SLC49A3: variants seen among roughly 807,000 people sequenced by gnomAD.
The protein encoded by SLC49A3 is solute carrier family 49 member A3.
Under a neutral mutation model 43.8 loss-of-function variants are expected in SLC49A3, and 50 were observed. That is an observed-to-expected ratio of 1.14 (90% confidence interval 0.91 to 1.45). The LOEUF (loss-of-function observed/expected upper bound fraction) is 1.45, where lower values mean the gene tolerates loss of function less well. Among genes scored for constraint, SLC49A3 ranks in the 40% most tolerant of loss-of-function variants. SLC49A3 has a pLI of 0.00. For missense variants in SLC49A3, 906 were observed against 774.1 expected (o/e 1.17, Z -2.02); for synonymous variants, 413 against 352.0 (o/e 1.17, Z -1.94).
chr4:685,730 TCA>T lies in SLC49A3; in HGVS notation c.585+103_585+104del. On this transcript the variant is annotated intron_variant, in intron 4 of 9. Transcript: ENST00000322224. This position sits in a 1 kb window ranked among gnomAD's most constrained non-coding sequence, Gnocchi z 4.3. ...CGGGTGGCGGGGCGGGGGACGGGAATCACACACGGGCACAGGAACACGGACAC... is the reference window on the plus strand; with the variant it reads ...CGGGTGGCGGGGCGGGGGACGGGAATCACACGGGCACAGGAACACGGACAC... 8.0e-7 allele frequency: 1 copy of T among 1,257,178 alleles called. No individual in the cohort carries two copies. Among genetic ancestry groups the T allele is most frequent in the South Asian group, 1.3e-5 (1 of 78,132 alleles). The allele number at this position is 1,257,178 out of a possible 1,614,324, so 77.9% of individuals were successfully genotyped here.
downstream of SLC49A3, chr4:681,804 G>T (rs1221473195): frequency 1.6e-6 from 2 of 1,246,638 alleles, no homozygotes; most frequent in Non-Finnish European, 2.0e-6. Flanking sequence ...CCCTCCCGCG[G>T]CGCAGAAACC....
chr4:685,757 C>T lies in SLC49A3; in HGVS notation c.585+78G>A. 1.4e-6 allele frequency: 2 copies of T among 1,475,950 alleles called. No individual in the cohort carries two copies. Among genetic ancestry groups the T allele is most frequent in the South Asian group, 2.3e-5 (2 of 86,878 alleles). The allele number at this position is 1,475,950 out of a possible 1,614,324, so 91.4% of individuals were successfully genotyped here. The stretch of plus-strand genomic sequence containing the variant: ...ACACACGGGCACAGGAACACGGACA[C>T]ACTTGGGATCAGGAACACACAGACG... On this transcript the variant is annotated intron_variant, in intron 4 of 9. Coordinates refer to ENST00000322224, the MANE Select transcript of SLC49A3 (RefSeq NM_032219.4). The surrounding 1 kb of genome is among the most constrained non-coding windows in gnomAD (Gnocchi z 4.3).
chr4:688,798 G>T, intron 1 of SLC49A3, 195 bp downstream of exon 1: 1 of 860,272 alleles, frequency 1.2e-6, no homozygotes, highest in Non-Finnish European at 1.6e-6. Flanking sequence ...ACCCAGCCCT[G>T]CTCTGTGCCC....
chr4:679,018 A>G (rs911374971), downstream of SLC49A3: 8 of 1,613,708 alleles, frequency 5.0e-6, no homozygotes, highest in Non-Finnish European at 6.8e-6. Context: ...CCTGAAGGAC[A>G]CCTATGCCTC....
In SLC49A3 at chr4:685,246, C is replaced by T. The variant is rs1446401356; in HGVS notation, c.586-390G>A. 1.8e-5 allele frequency: 6 copies of T among 327,004 alleles called. No homozygotes were observed. Among genetic ancestry groups the T allele is most frequent in the African/African-American group, 8.7e-5 (4 of 46,178 alleles). The allele number at this position is 327,004 out of a possible 1,614,324, so 20.3% of individuals were successfully genotyped here. A position where few individuals can be genotyped will look rare whatever the true frequency, so the allele number is the denominator to read the frequency against. On this transcript the variant is annotated intron_variant, in intron 4 of 9. Coordinates refer to ENST00000322224, the MANE Select transcript of SLC49A3 (RefSeq NM_032219.4). The surrounding 1 kb of genome is among the most constrained non-coding windows in gnomAD (Gnocchi z 4.3). ...TACCCCCAAGCACAAACACACCACC[C>T]GCACCTGATACACATGCACGAGCAC... is the stretch of plus-strand genomic sequence containing the variant.
downstream of SLC49A3, chr4:680,842 A>G (rs891738494): frequency 1.7e-5 from 11 of 631,728 alleles, no homozygotes; most frequent in Non-Finnish European, 2.5e-5. Flanking sequence ...AGCTCCTGCT[A>G]GGCGCCGGGG....
downstream of SLC49A3, chr4:676,986 G>A (rs2109320227): frequency 1.1e-6 from 1 of 949,306 alleles, no homozygotes; most frequent in East Asian, 1.2e-4. Context: ...TAGGACCTCT[G>A]CTCAAGAGAC....
At chr4:684,413 C>T (rs780602287) in intron 6 of SLC49A3, 70 bp downstream of exon 6, 17 of 1,581,142 alleles carry the variant, frequency 1.1e-5, no homozygotes, top group African/African-American at 2.7e-5. Context: ...ACCCTGGAGG[C>T]GGCGGTGACT....
At chr4:680,506 C>A, downstream of SLC49A3, 1 of 1,613,372 alleles carries the variant, frequency 6.2e-7, no homozygotes, top group Non-Finnish European at 8.5e-7. Context: ...GCCTTTGTGG[C>A]AGGTACCGAC....
intron 4 of SLC49A3, 144 bp from the exon 5 acceptor site, chr4:685,000 TGC>T: frequency 8.6e-7 from 1 of 1,163,068 alleles, no homozygotes; most frequent in Non-Finnish European, 1.2e-6. Flanking sequence ...AGCTGCCCTT[TGC>T]GAGGCCCAGG....
At chr4:682,524 AG>A in intron 9 of SLC49A3, 148 bp from the exon 10 acceptor site, 2 of 926,422 alleles carry the variant, frequency 2.2e-6, no homozygotes, top group East Asian at 6.4e-5. Context: ...GACAGCCCTG[AG>A]GGGGTGTTTG....
In SLC49A3 at chr4:682,195, G is replaced by A; in HGVS notation, c.1443C>T (p.Val481=). The change falls in exon 10 of 10, where the codon GTC becomes GTT. Residue 481 remains valine, a synonymous_variant. Coordinates refer to ENST00000322224, the MANE Select transcript of SLC49A3 (RefSeq NM_032219.4). ...CCGGAGTCGCCGTGCTGGGCCCCAG[G>A]ACCCCAGCCCTTCCTGCTCCCCCTC... is the stretch of plus-strand genomic sequence containing the variant. ...VDRGGAGRAG[V]LGPSTATPEC... 7.3e-7 allele frequency: 1 copy of A among 1,366,262 alleles called. No homozygotes were observed. 84.6% of individuals were successfully genotyped at this position (1,366,262 alleles called of 1,614,324 possible).
chr4:685,699 CCTT>C lies in SLC49A3; in HGVS notation c.585+133_585+135del, dbSNP rs964734135. 4.5e-6 allele frequency: 4 copies of C among 886,328 alleles called. No homozygotes were observed. The highest frequency in any genetic ancestry group is 5.3e-5 in the East Asian group (2 of 37,454). The allele number at this position is 886,328 out of a possible 1,614,324, so 54.9% of individuals were successfully genotyped here. The stretch of plus-strand genomic sequence containing the variant: ...TCAGCCTGAGCGACAGGCTGAGACT[CCTT>C]CTCGGGTGGCGGGGCGGGGGACGGG... On this transcript the variant is annotated intron_variant, in intron 4 of 9. Transcript: ENST00000322224. The surrounding 1 kb of genome is among the most constrained non-coding windows in gnomAD (Gnocchi z 4.3).
upstream of SLC49A3, among the ~76,000 whole-genome samples, chr4:691,402 T>C (rs999153370): frequency 3.3e-5 from 5 of 151,726 alleles, no homozygotes; most frequent in Non-Finnish European, 7.4e-5. Context: ...AAGACCAGCC[T>C]GGCCAATATG....
At chr4:680,598 G>A (rs572105459), downstream of SLC49A3, 12 of 1,601,672 alleles carry the variant, frequency 7.5e-6, no homozygotes, top group South Asian at 5.5e-5. Context: ...GTGAGTGCCC[G>A]GGCGGCCAGG....
chr4:690,427 TCTC>T (rs1284489025), upstream of SLC49A3, among the ~76,000 whole-genome samples: 1 of 151,888 alleles, frequency 6.6e-6, no homozygotes, highest in East Asian at 1.9e-4. Context: ...TTCCTTCTGT[TCTC>T]CTTCTCCTCA....
chr4:690,491 A>G (rs540001157), upstream of SLC49A3, among the ~76,000 whole-genome samples: 83 of 151,516 alleles, frequency 5.5e-4, no homozygotes, highest in African/African-American at 2.0e-3. Flanking sequence ...ACCTTCCTCC[A>G]TAGTCCAGTG....
At chr4:681,157 C>G (rs1739449146), downstream of SLC49A3, 41 of 1,599,046 alleles carry the variant, frequency 2.6e-5, no homozygotes, top group Non-Finnish European at 3.3e-5. Context: ...CCCGCGGCTT[C>G]CCTGCCAAGC....
At chr4:677,929 C>T, downstream of SLC49A3, 2 of 1,602,562 alleles carry the variant, frequency 1.2e-6, no homozygotes, top group South Asian at 1.1e-5. Context: ...TAGGGAGTGG[C>T]AGCCGGAGTC....
Sources: allele counts gnomAD v4.1 joint callset (sites outside exome capture counted in the v4.1 genomes callset), GRCh38; gene constraint gnomAD v4.1.1; non-coding constraint Gnocchi (gnomAD v3.1); transcripts MANE v1.5; gene names NCBI Gene and HGNC (gene_info 2026-07-23, HGNC 2026-07-21).